Variants in L3MBTL4 observed in about 807,000 individuals in gnomAD.
L3MBTL4 encodes the protein L3MBTL histone methyl-lysine binding protein 4.
L3MBTL4 carries 70 observed loss-of-function variants against 84.5 expected under a neutral mutation model. The ratio of observed to expected loss-of-function variants is 0.83; its 90% CI spans 0.68 to 1.01. The LOEUF (loss-of-function observed/expected upper bound fraction) is 1.01. Among genes scored for constraint, L3MBTL4 ranks in the 50% least tolerant of loss-of-function variants. L3MBTL4 has a pLI of 0.00. For missense variants in L3MBTL4, 715 were observed against 754.8 expected (o/e 0.95, Z 0.62); for synonymous variants, 274 against 259.8 (o/e 1.05, Z -0.52).
intron 16 of L3MBTL4, among the ~76,000 whole-genome samples, chr18:6,003,068 T>A (rs200160253): frequency 6.5e-5 from 7 of 107,714 alleles, no homozygotes; most frequent in East Asian, 7.5e-4. Context: ...GTATCTCTAT[T>A]TATAGAGATA....
chr18:6,298,341 G>C (rs2050191117), intron 4 of L3MBTL4, among the ~76,000 whole-genome samples: 1 of 151,970 alleles, frequency 6.6e-6, no homozygotes, highest in Admixed American at 6.6e-5. Flanking sequence ...TGAATTACCT[G>C]TTTATGCCCT....
intron 14 of L3MBTL4, among the ~76,000 whole-genome samples, chr18:6,129,374 G>A (rs1012631899): frequency 6.8e-6 from 1 of 147,532 alleles, no homozygotes; most frequent in Non-Finnish European, 1.5e-5. Flanking sequence ...CTCTCTGTGT[G>A]TGTGTGTGTG....
chr18:6,257,170 T>A (rs2048179254), intron 5 of L3MBTL4, among the ~76,000 whole-genome samples: 1 of 150,230 alleles, frequency 6.7e-6, no homozygotes, highest in Admixed American at 6.6e-5. Context: ...CAACTAAGAG[T>A]CAGGGAGGTG....
chr18:6,162,980 T>C (rs16949531), intron 13 of L3MBTL4, among the ~76,000 whole-genome samples: 5,524 of 152,104 alleles, frequency 0.036, 347 homozygotes, highest in African/African-American at 0.12. Flanking sequence ...GAGTCTCAGG[T>C]TGATAGGATA....
intron 17 of L3MBTL4, among the ~76,000 whole-genome samples, chr18:5,967,450 C>T (rs72873860): frequency 6.2e-4 from 94 of 152,366 alleles, no homozygotes; most frequent in Non-Finnish European, 1.1e-3. Flanking sequence ...AACTCACTTC[C>T]ATGCAGCCAC....
intron 15 of L3MBTL4, among the ~76,000 whole-genome samples, chr18:6,086,519 G>T (rs910555876): frequency 2.6e-5 from 4 of 152,164 alleles, no homozygotes; most frequent in Admixed American, 2.6e-4. Context: ...CTCCAGTGAG[G>T]TGCCTAAAAA....
intron 1 of L3MBTL4, among the ~76,000 whole-genome samples, chr18:6,382,079 G>A (rs2054614655): frequency 6.6e-6 from 1 of 151,964 alleles, no homozygotes; most frequent in Non-Finnish European, 1.5e-5. Flanking sequence ...ATTTCATTAA[G>A]TTGATCTTCA....
At chr18:6,348,124 C>A (rs920094191) in intron 1 of L3MBTL4, among the ~76,000 whole-genome samples, 1 of 151,488 alleles carries the variant, frequency 6.6e-6, no homozygotes, top group South Asian at 2.1e-4. Context: ...CTATATAGAA[C>A]ATTATTAAGA....
chr18:6,368,695 T>A, intron 1 of L3MBTL4, among the ~76,000 whole-genome samples: 1 of 152,156 alleles, frequency 6.6e-6, no homozygotes, highest in Non-Finnish European at 1.5e-5. Flanking sequence ...CAAGATTAAT[T>A]CACTTTAAGC....
intron 1 of L3MBTL4, among the ~76,000 whole-genome samples, chr18:6,319,725 C>T (rs2051306586): frequency 6.6e-6 from 1 of 152,108 alleles, no homozygotes; most frequent in Non-Finnish European, 1.5e-5. Flanking sequence ...GCCAGTCCTT[C>T]TGAAACTATT....
At chr18:5,975,991 T>C (rs78034542) in intron 16 of L3MBTL4, among the ~76,000 whole-genome samples, 11,304 of 152,312 alleles carry the variant, frequency 0.074, 621 homozygotes, top group Non-Finnish European at 0.11. Flanking sequence ...ACCAATTTTA[T>C]ATAAATATGG....
intron 15 of L3MBTL4, among the ~76,000 whole-genome samples, chr18:6,083,076 T>A (rs992605865): frequency 1.3e-5 from 2 of 152,186 alleles, no homozygotes; most frequent in African/African-American, 4.8e-5. Context: ...GGAGCCAAAA[T>A]CAGGTCTTAA....
At chr18:6,384,267 A>C (rs1457801829) in intron 1 of L3MBTL4, among the ~76,000 whole-genome samples, 1 of 152,128 alleles carries the variant, frequency 6.6e-6, no homozygotes. Flanking sequence ...ATGCACACAC[A>C]CACACTCATA....
intron 2 of L3MBTL4, 147 bp downstream of exon 2, chr18:6,311,851 T>A (rs1444803157): frequency 4.8e-6 from 2 of 415,278 alleles, no homozygotes; most frequent in Non-Finnish European, 8.8e-6. Flanking sequence ...GGGCAATGCG[T>A]TTACTACCTC....
Position 6,274,399 on chromosome 18 carries a change from C to T in L3MBTL4, c.128-10361G>A, listed in dbSNP as rs1484602024. On this transcript the variant is annotated intron_variant, in intron 4 of 18. Transcript: ENST00000317931. ...CAGGTGGCCCTACAGACAGGATAGC[C>T]TCAGAATTCCGACTACAGTCCCTGT... Among the ~76,000 whole-genome samples the T allele has an allele frequency of 3.3e-5, 5 of 152,300 alleles. No individual in the cohort carries two copies. The East Asian group carries it at 9.7e-4, about 29-fold the overall frequency.
intron 12 of L3MBTL4, among the ~76,000 whole-genome samples, chr18:6,206,048 A>G (rs1408444864): frequency 3.9e-5 from 6 of 152,240 alleles, no homozygotes; most frequent in Non-Finnish European, 7.3e-5. Flanking sequence ...AGGAGGCTTC[A>G]TTATCACAGC....
intron 16 of L3MBTL4, among the ~76,000 whole-genome samples, chr18:6,025,830 G>A (rs1371103427): frequency 3.9e-5 from 6 of 152,218 alleles, no homozygotes; most frequent in African/African-American, 1.4e-4. Flanking sequence ...TCTGACAGGA[G>A]GTGGAGCTCA....
At chr18:6,061,567 C>T (rs1049961129) in intron 16 of L3MBTL4, among the ~76,000 whole-genome samples, 6 of 151,822 alleles carry the variant, frequency 4.0e-5, no homozygotes, top group Non-Finnish European at 7.4e-5. Flanking sequence ...AAACTGAAGG[C>T]CACCTAGATT....
chr18:5,964,618 G>A (rs953982377), intron 17 of L3MBTL4, among the ~76,000 whole-genome samples: 1 of 152,058 alleles, frequency 6.6e-6, no homozygotes, highest in African/African-American at 2.4e-5. Context: ...TAAAGTGACT[G>A]CCATCTTTCA....
Sources: allele counts gnomAD v4.1 joint callset (sites outside exome capture counted in the v4.1 genomes callset), GRCh38; gene constraint gnomAD v4.1.1; transcripts MANE v1.5; gene names NCBI Gene and HGNC (gene_info 2026-07-23, HGNC 2026-07-21).